Variants in UNC45B observed in about 807,000 individuals in gnomAD.
The protein encoded by UNC45B is unc-45 myosin chaperone B.
In UNC45B, 78 loss-of-function variants were observed where a neutral mutation model predicts 98.7. The observed-to-expected ratio is 0.79, with a 90% CI of 0.66 to 0.95. The LOEUF (loss-of-function observed/expected upper bound fraction) is 0.95, where lower values mean the gene tolerates loss of function less well. Ranked by LOEUF, UNC45B falls within the 40% of genes least tolerant of loss-of-function variation. UNC45B has a pLI of 0.00. For missense variants in UNC45B, 1,225 were observed against 1,184.9 expected, an observed-to-expected ratio of 1.03 and a Z score of -0.50; for synonymous variants, 462 against 480.4, an observed-to-expected ratio of 0.96 and a Z score of 0.50.
rs866568336 is a variant in UNC45B, at chr17:35,177,517, T to C, written c.2162T>C (p.Leu721Pro). Residue 721 changes from leucine (L) to proline (P), a missense_variant, in exon 17 of 20, where the codon CTT (leucine) becomes CCT (proline). Transcript: ENST00000394570. ...CAGGTGTATGAGGTGGTGCGGCCCC[T>C]TGTAAGACTCTTGGACACACAGAGG... ...GERVYEVVRP[L>P]VRLLDTQRDG... The C allele has an allele frequency of 6.4e-7, 1 of 1,565,040 alleles. No individual in the cohort carries two copies.
At chr17:35,151,186 GT>G in intron 4 of UNC45B, 1 of 305,188 alleles carries the variant, frequency 3.3e-6, no homozygotes, top group Admixed American at 5.0e-5. Context: ...GGGAATCCTG[GT>G]TAGTTTCTTT....
At position 35,169,913 on chromosome 17, in the gene UNC45B, T is replaced by G. The variant is rs1217185602; in HGVS notation, c.1529T>G (p.Leu510Arg). 1.9e-6 allele frequency: 3 copies of G among 1,614,106 alleles called. No homozygotes were observed. Among genetic ancestry groups the G allele is most frequent in the Non-Finnish European group, 2.5e-6 (3 of 1,180,014 alleles). The stretch of plus-strand genomic sequence containing the variant: ...TTTGCGGAAGGGTCGACAGAAAAAC[T>G]GGCCAAACAGTGTCGCAAGTAAGGG... Reference protein sequence around the residue: ...RQFAEGSTEKLAKQCRKWLCN... With the variant: ...RQFAEGSTEKRAKQCRKWLCN... The change falls in exon 11 of 20, where the codon CTG (leucine) becomes CGG (arginine). Residue 510 changes from leucine to arginine, a missense_variant. Physicochemically the swap from Leu to Arg is moderately radical, Grantham distance 102. Transcript: ENST00000394570.
At chr17:35,179,423 A>T (rs1163098001) in intron 17 of UNC45B, among the ~76,000 whole-genome samples, 3 of 152,248 alleles carry the variant, frequency 2.0e-5, no homozygotes, top group African/African-American at 7.2e-5. Context: ...AGGACTATAA[A>T]TCATGCTACT....
At chr17:35,170,529 TAAAA>T (rs35208483) in intron 12 of UNC45B, among the ~76,000 whole-genome samples, 6 of 70,096 alleles carry the variant, frequency 8.6e-5, no homozygotes, top group Admixed American at 4.7e-4. Context: ...CTGAGGCAGC[TAAAA>T]AAAAAAAAAA....
Position 35,148,433 on chromosome 17 carries a change from T to C in UNC45B, c.168+2T>C. 6.2e-7 allele frequency: 1 copy of C among 1,613,386 alleles called. No homozygotes were observed. The highest frequency in any genetic ancestry group is 8.5e-7 in the Non-Finnish European group (1 of 1,179,810). On this transcript the variant is annotated splice_donor_variant, in intron 2 of 19. Transcript: ENST00000394570. LOFTEE classifies it high-confidence loss of function. ...CGGGCAGCCTGTGGCCTGAAAACGG[T>C]CTGGGGCAGGGCAGGGCACAGGGTG...
Position 35,154,744 on chromosome 17 carries a change from A to C in UNC45B, c.639+3A>C. ...TGTGCAGCGGCCACCAAGCCAGAGTAAGTGCCCGGCTGTGGGGCATGTGGA... is the reference window on the plus strand; with the variant it reads ...TGTGCAGCGGCCACCAAGCCAGAGTCAGTGCCCGGCTGTGGGGCATGTGGA... On this transcript the variant is annotated splice_donor_region_variant and intron_variant, in intron 6 of 19. Coordinates refer to ENST00000394570, the MANE Select transcript of UNC45B (RefSeq NM_001267052.2). 6.3e-7 allele frequency: 1 copy of C among 1,578,976 alleles called. No individual in the cohort carries two copies. Among genetic ancestry groups the C allele is most frequent in the Non-Finnish European group, 8.6e-7 (1 of 1,166,984 alleles).
At chr17:35,161,457 A>G (rs914563986) in intron 8 of UNC45B, among the ~76,000 whole-genome samples, 3 of 152,148 alleles carry the variant, frequency 2.0e-5, no homozygotes, top group Non-Finnish European at 4.4e-5. Flanking sequence ...TGCTCAAGGC[A>G]TGGGCAAGAA....
rs755126357 is a variant in UNC45B at position 35,183,509 on chromosome 17, A to T, written c.2456A>T (p.Gln819Leu). 8.7e-6 allele frequency: 14 copies of T among 1,606,380 alleles called. No homozygotes were observed. Among genetic ancestry groups the T allele is most frequent in the Middle Eastern group, 1.7e-4 (1 of 6,018 alleles). Reference sequence around the variant, plus strand: ...TGCGGGGAGGATGATGATAAGGTGCAGAATGCGGCTGCAGGGGCTCTGGCC... The same window carrying T: ...TGCGGGGAGGATGATGATAAGGTGCTGAATGCGGCTGCAGGGGCTCTGGCC... ...LLCGEDDDKV[Q>L]NAAAGALAML... is the part of the protein sequence containing the mutation. Residue 819 changes from glutamine to leucine, a missense_variant, in exon 19 of 20, where the codon CAG becomes CTG. Coordinates refer to ENST00000394570, the MANE Select transcript of UNC45B (RefSeq NM_001267052.2).
intron 19 of UNC45B, among the ~76,000 whole-genome samples, chr17:35,184,170 A>G (rs2067323635): frequency 2.0e-5 from 3 of 152,216 alleles, no homozygotes; most frequent in Admixed American, 2.0e-4. Flanking sequence ...TGTCTGTTTT[A>G]AAGGCAGGCT....
chr17:35,159,848 C>T (rs1016223855), intron 8 of UNC45B, among the ~76,000 whole-genome samples: 2 of 152,198 alleles, frequency 1.3e-5, no homozygotes, highest in African/African-American at 4.8e-5. Flanking sequence ...CCAGAAGTCT[C>T]ATGGTTGGTA....
chr17:35,170,027 CA>C, intron 11 of UNC45B, 86 bp from the exon 12 acceptor site: 1 of 1,605,406 alleles, frequency 6.2e-7, no homozygotes, highest in East Asian at 2.2e-5. Context: ...AAAGGGACCT[CA>C]CCCCTGGTTC....
chr17:35,155,860 A>G lies in UNC45B; in HGVS notation c.808+396A>G, dbSNP rs9892951. 5.2e-3 allele frequency among the ~76,000 whole-genome samples: 789 copies of G among 152,312 alleles called. 9 individuals are homozygous for G. Among genetic ancestry groups the G allele is most frequent in the African/African-American group, 0.018 (747 of 41,562 alleles). On this transcript the variant is annotated intron_variant, in intron 7 of 19. Coordinates refer to ENST00000394570, the MANE Select transcript of UNC45B (RefSeq NM_001267052.2). The stretch of plus-strand genomic sequence containing the variant: ...GCTAGGATTACAGGCATGAGCCACT[A>G]CACCTGGCCTGTTATATGTATTTTC...
chr17:35,186,773 C>G lies in UNC45B; in HGVS notation c.*214C>G, dbSNP rs984167721. On this transcript the variant is annotated 3_prime_UTR_variant, in exon 20 of 20. Transcript: ENST00000394570. ...CACTCTCTCTCTTGCTTCCTGTCTC[C>G]TTATATTTGTCATGTTTCAGAAATT... The G allele has an allele frequency of 8.6e-6, 4 of 465,494 alleles. No homozygotes were observed. Among genetic ancestry groups the G allele is most frequent in the Admixed American group, 3.8e-5 (1 of 26,000 alleles). 28.8% of individuals were successfully genotyped at this position (465,494 alleles called of 1,614,324 possible).
At position 35,148,174 on chromosome 17, in the gene UNC45B, G is replaced by A. The variant is rs1475804149; in HGVS notation, c.1-90G>A. 4.1e-6 allele frequency: 6 copies of A among 1,451,096 alleles called. No homozygotes were observed. In the Admixed American group the frequency reaches 1.1e-4, roughly 28 times the overall value. The allele number at this position is 1,451,096 out of a possible 1,614,324, so 89.9% of individuals were successfully genotyped here. A position where few individuals can be genotyped will look rare whatever the true frequency, so the allele number is the denominator to read the frequency against. On this transcript the variant is annotated intron_variant, in intron 1 of 19. Coordinates refer to ENST00000394570, the MANE Select transcript of UNC45B (RefSeq NM_001267052.2). ...CCCCACCATCCTCTCTGGTGTGAGG[G>A]GACCCTGGAGCTCCGGACCTCAGGC...
chr17:35,186,214 C>G, intron 19 of UNC45B, 85 bp from the exon 20 acceptor site: 1 of 1,552,790 alleles, frequency 6.4e-7, no homozygotes, highest in Admixed American at 1.8e-5. Flanking sequence ...CTAACATTGC[C>G]ACACCAGGGA....
At chr17:35,157,124 C>T (rs1323682399) in intron 7 of UNC45B, among the ~76,000 whole-genome samples, 1 of 152,144 alleles carries the variant, frequency 6.6e-6, no homozygotes, top group Non-Finnish European at 1.5e-5. Context: ...ATTCATCAAT[C>T]AGCTCTATAT....
intron 2 of UNC45B, 127 bp from the exon 3 acceptor site, chr17:35,148,846 G>A: frequency 8.9e-7 from 1 of 1,125,924 alleles, no homozygotes; most frequent in Non-Finnish European, 1.3e-6. Flanking sequence ...TGAGGAGCAT[G>A]CCCTGGGCCT....
At chr17:35,149,774 T>C (rs1391411280) in intron 3 of UNC45B, among the ~76,000 whole-genome samples, 1 of 152,122 alleles carries the variant, frequency 6.6e-6, no homozygotes, top group African/African-American at 2.4e-5. Context: ...AAGCACCGAT[T>C]GGTTAAGCCC....
intron 18 of UNC45B, among the ~76,000 whole-genome samples, chr17:35,181,808 A>C (rs975657822): frequency 7.2e-6 from 1 of 139,598 alleles, no homozygotes; most frequent in Non-Finnish European, 1.6e-5. Context: ...AAAAAAAAAA[A>C]GCATATTAAA....
Sources: gnomAD v4.1 joint callset for allele counts (sites outside exome capture counted in the v4.1 genomes callset) on GRCh38, gnomAD v4.1.1 for gene constraint, MANE v1.5 for transcripts, NCBI Gene and HGNC (gene_info 2026-07-23, HGNC 2026-07-21) for gene names.